ITGA7: variants seen among roughly 807,000 people sequenced by gnomAD.
The protein encoded by ITGA7 is integrin subunit alpha 7.
In ITGA7, 84 loss-of-function variants were observed where a neutral mutation model predicts 131.6. That is an observed-to-expected ratio of 0.64 (90% CI 0.54 to 0.77). The LOEUF (loss-of-function observed/expected upper bound fraction) is 0.77. Among genes scored for constraint, ITGA7 ranks in the 30% least tolerant of loss-of-function variants. The pLI is 0.00. For missense variants in ITGA7, 1,399 were observed against 1,482.9 expected (o/e 0.94, Z 0.93); for synonymous variants, 548 against 600.7 (o/e 0.91, Z 1.28).
In ITGA7 at chr12:55,686,393, C is replaced by T. The variant is rs1870156478; in HGVS notation, c.3184-1105G>A. ...GGAAGGACAGGATCCCCTATCTCTG[C>T]TCTGTCTTCCTTCCATGGGAGCAGG... On this transcript the variant is annotated intron_variant, in intron 24 of 24. Coordinates refer to ENST00000257879, the MANE Select transcript of ITGA7 (RefSeq NM_002206.3). 6 of 819,032 alleles carry T rather than the reference C, an allele frequency of 7.3e-6. No homozygotes were observed. In the South Asian group the frequency reaches 9.0e-5, roughly 12 times the overall value. The allele number at this position is 819,032 out of a possible 1,614,324, so 50.7% of individuals were successfully genotyped here. A position where few individuals can be genotyped will look rare whatever the true frequency, so the allele number is the denominator to read the frequency against.
At chr12:55,686,225 T>C in intron 24 of ITGA7, 2 of 1,350,524 alleles carry the variant, frequency 1.5e-6, no homozygotes, top group Non-Finnish European at 2.0e-6. Context: ...GACCCCCAAC[T>C]TCCATGGCTG....
intron 21 of ITGA7, among the ~76,000 whole-genome samples, chr12:55,691,390 T>C (rs1034178112): frequency 6.6e-6 from 1 of 152,030 alleles, no homozygotes; most frequent in Admixed American, 6.5e-5. Context: ...GGAAGAGATA[T>C]CTATTTAAGA....
chr12:55,706,389 G>C (rs940599962), intron 1 of ITGA7, among the ~76,000 whole-genome samples: 17 of 152,302 alleles, frequency 1.1e-4, no homozygotes, highest in Admixed American at 7.8e-4. Context: ...CCCCAAGCAA[G>C]TGAGGAGAAA....
intron 4 of ITGA7, chr12:55,700,440 C>A: frequency 6.4e-7 from 1 of 1,566,060 alleles, no homozygotes; most frequent in South Asian, 1.2e-5. Flanking sequence ...GCAAGGAACA[C>A]CCCTCAGGCC....
At chr12:55,716,053 T>G (rs775929732), upstream of ITGA7, 2 of 1,554,362 alleles carry the variant, frequency 1.3e-6, no homozygotes, top group Non-Finnish European at 1.7e-6. Context: ...TCACGTGACA[T>G]GGCCCCGGGG....
At chr12:55,690,210 G>A (rs1017948115) in intron 21 of ITGA7, among the ~76,000 whole-genome samples, 2 of 152,018 alleles carry the variant, frequency 1.3e-5, no homozygotes, top group African/African-American at 2.4e-5. Flanking sequence ...GAAAATTTTC[G>A]CAACCTACTC....
rs1401569687 is a variant in ITGA7 at position 55,697,459 on chromosome 12, G to C, written c.1497C>G (p.His499Gln). The C allele has an allele frequency of 1.2e-6, 2 of 1,614,068 alleles. No homozygotes were observed. Among genetic ancestry groups the C allele is most frequent in the Non-Finnish European group, 1.7e-6 (2 of 1,180,008 alleles). Residue 499 changes from histidine to glutamine, a missense_variant, in exon 10 of 25, where the codon CAC becomes CAG. Transcript: ENST00000257879. Reference sequence around the variant, plus strand: ...ACCCGATCCCACCTCACCAGACCGAGTGGCCGCCAGCACAGTTGGGCTGCT... The same window carrying C: ...ACCCGATCCCACCTCACCAGACCGACTGGCCGCCAGCACAGTTGGGCTGCT... ...DLEQPNCAGG[H>Q]SVCVDLRVCF...
At chr12:55,704,067 C>G (rs1874657094) in intron 1 of ITGA7, among the ~76,000 whole-genome samples, 1 of 152,196 alleles carries the variant, frequency 6.6e-6, no homozygotes, top group East Asian at 1.9e-4. Flanking sequence ...GGCTGAACCC[C>G]CAAGCCAGAG....
In ITGA7 at chr12:55,685,304, G is replaced by A. The variant is rs755212443; in HGVS notation, c.3184-16C>T. 3 of 1,611,734 alleles carry A rather than the reference G, an allele frequency of 1.9e-6. No individual in the cohort carries two copies. The highest frequency in any genetic ancestry group is 4.5e-5 in the East Asian group (2 of 44,880). On this transcript the variant is annotated splice_polypyrimidine_tract_variant and intron_variant, in intron 24 of 24. Coordinates refer to ENST00000257879, the MANE Select transcript of ITGA7 (RefSeq NM_002206.3). ...AGAATCCCATCTATAAGGACACCAG[G>A]CCAGACCATGAGGAGCCTGAAGAGC...
At chr12:55,706,098 T>C (rs1358531234) in intron 1 of ITGA7, among the ~76,000 whole-genome samples, 5 of 151,958 alleles carry the variant, frequency 3.3e-5, no homozygotes, top group Admixed American at 3.3e-4. Context: ...GAGGGGGAAA[T>C]GACAAGAGAC....
Position 55,703,131 on chromosome 12 carries a change from G to A in ITGA7, c.254C>T (p.Ala85Val), listed in dbSNP as rs150476577. 2.9e-5 allele frequency: 46 copies of A among 1,613,186 alleles called. 2 individuals are homozygous for A. In the South Asian group the frequency reaches 4.0e-4, roughly 14 times the overall value. Residue 85 changes from alanine to valine, a missense_variant, in exon 2 of 25, where the codon GCG (alanine) becomes GTG (valine). Transcript: ENST00000257879. ...PQALALPGQQ[A>V]NRTGGLFACP... ...AGCGAAGAGGCCTCCAGTGCGATTCGCCTGCTGCCCAGGAAGAGCCAGGGC... is the reference window on the plus strand; with the variant it reads ...AGCGAAGAGGCCTCCAGTGCGATTCACCTGCTGCCCAGGAAGAGCCAGGGC...
chr12:55,686,147 T>G, intron 24 of ITGA7: 1 of 997,334 alleles, frequency 1.0e-6, no homozygotes, highest in South Asian at 1.4e-5. Flanking sequence ...TCTCCTTATA[T>G]TCACACACAT....
In ITGA7 at chr12:55,684,743, G is replaced by A. The variant is rs1869708951; in HGVS notation, c.*315C>T. ...ACTTCCGGGGAGGCAGGTCCTTGGG[G>A]TCCTGTTACACAGGGTGAATGGGAG... On this transcript the variant is annotated 3_prime_UTR_variant, in exon 25 of 25. Coordinates refer to ENST00000257879, the MANE Select transcript of ITGA7 (RefSeq NM_002206.3). 2.8e-6 allele frequency: 1 copy of A among 354,534 alleles called. No homozygotes were observed. The highest frequency in any genetic ancestry group is 5.1e-6 in the Non-Finnish European group (1 of 195,598). The allele number at this position is 354,534 out of a possible 1,614,324, so 22.0% of individuals were successfully genotyped here.
upstream of ITGA7, chr12:55,716,383 C>T: frequency 7.0e-7 from 1 of 1,425,424 alleles, no homozygotes; most frequent in Non-Finnish European, 9.1e-7. Flanking sequence ...GGCTCCGGTC[C>T]CTTGGGCAAT....
intron 12 of ITGA7, 74 bp downstream of exon 12, chr12:55,696,825 G>C: frequency 1.3e-6 from 2 of 1,553,232 alleles, no homozygotes. Flanking sequence ...TCGGGAAAAA[G>C]CAGCTAAGAG....
rs769994283 is a variant in ITGA7, at chr12:55,694,432, G to A, written c.2357+11C>T. On this transcript the variant is annotated intron_variant, in intron 17 of 24. Coordinates refer to ENST00000257879, the MANE Select transcript of ITGA7 (RefSeq NM_002206.3). The surrounding 1 kb of genome is among the most constrained non-coding windows in gnomAD (Gnocchi z 5.3). Reference sequence around the variant, plus strand: ...ACCCCCACCTCACCCTTCCGGCCCCGCCTGGCTTACGTGGCCAACAGCAGC... The same window carrying A: ...ACCCCCACCTCACCCTTCCGGCCCCACCTGGCTTACGTGGCCAACAGCAGC... 62 of 1,613,892 alleles carry A rather than the reference G, an allele frequency of 3.8e-5. No individual in the cohort carries two copies. The highest frequency in any genetic ancestry group is 3.3e-4 in the Middle Eastern group (2 of 6,084).
At chr12:55,709,115 A>T (rs566678174), upstream of ITGA7, among the ~76,000 whole-genome samples, 4 of 152,044 alleles carry the variant, frequency 2.6e-5, no homozygotes, top group South Asian at 8.3e-4. Context: ...CTCTCTCACT[A>T]TCTGATTTTG....
At chr12:55,688,324 C>A (rs780508441) in intron 22 of ITGA7, 24 bp from the exon 23 acceptor site, 1 of 1,545,678 alleles carries the variant, frequency 6.5e-7, no homozygotes, top group Non-Finnish European at 8.9e-7. Context: ...GAAGGAGACC[C>A]TTCTCCTAAA....
upstream of ITGA7, among the ~76,000 whole-genome samples, chr12:55,715,053 G>A (rs1043743119): frequency 3.3e-5 from 5 of 152,006 alleles, no homozygotes; most frequent in Non-Finnish European, 7.4e-5. Flanking sequence ...TAGATACAAG[G>A]TTTCACCATG....
Sources: allele counts gnomAD v4.1 joint callset (sites outside exome capture counted in the v4.1 genomes callset), GRCh38; gene constraint gnomAD v4.1.1; non-coding constraint Gnocchi (gnomAD v3.1); transcripts MANE v1.5; gene names NCBI Gene and HGNC (gene_info 2026-07-23, HGNC 2026-07-21).